The following CFAP92 variants were observed in gnomAD, a reference collection of about 807,000 sequenced individuals.
CFAP92 encodes the protein uncharacterized protein CFAP92.
Under a neutral mutation model 106.3 loss-of-function variants are expected in CFAP92, and 86 were observed. The ratio of observed to expected loss-of-function variants is 0.81; its 90% CI spans 0.68 to 0.97. The LOEUF is 0.97. Ranked by LOEUF, CFAP92 falls within the 50% of genes least tolerant of loss-of-function variation. CFAP92 has a pLI of 0.00. For synonymous variants in CFAP92, 477 were observed against 506.4 expected (o/e 0.94, Z 0.78); for missense variants, 1,204 against 1,283.8 (o/e 0.94, Z 0.95).
At chr3:128,972,976 C>A (rs1439948612) in intron 7 of CFAP92, among the ~76,000 whole-genome samples, 3 of 152,052 alleles carry the variant, frequency 2.0e-5, no homozygotes, top group Admixed American at 6.5e-5. Flanking sequence ...TACAGGCGTG[C>A]ACCAGCATAC....
At chr3:129,003,665 C>A, upstream of CFAP92, 2 of 950,236 alleles carry the variant, frequency 2.1e-6, no homozygotes, top group Non-Finnish European at 2.7e-6. Context: ...CACCCGGAAG[C>A]AGACGGCGCA....
At chr3:128,920,831 C>T (rs913986230) in intron 12 of CFAP92, among the ~76,000 whole-genome samples, 7 of 152,170 alleles carry the variant, frequency 4.6e-5, no homozygotes, top group Non-Finnish European at 7.4e-5. Context: ...GAATGTGTCT[C>T]GACTTGTTGG....
upstream of CFAP92, among the ~76,000 whole-genome samples, chr3:128,998,262 A>AT (rs1944555677): frequency 6.6e-6 from 1 of 152,182 alleles, no homozygotes; most frequent in Admixed American, 6.5e-5. Flanking sequence ...TATTTTCTTA[A>AT]TAGTGTCTTT....
At chr3:129,022,224 G>A in the CFAP92 span, among the ~76,000 whole-genome samples, 238 of 152,306 alleles carry the variant, frequency 1.6e-3, 2 homozygotes, top group Middle Eastern at 0.014. Context: ...ATCCTCATAG[G>A]ACCGCCAGGC....
rs140401632 is a variant in CFAP92 at position 128,926,180 on chromosome 3, G to C, written c.2751+6520C>G. On this transcript the variant is annotated intron_variant, in intron 12 of 15. Coordinates refer to ENST00000645291, the MANE Select transcript of CFAP92 (RefSeq NM_001394090.1). ...ATATCCAAATAGCCAATCGTGAAAA[G>C]GTGCTCAACATTATTGAGAGAGAGA... 1.5e-4 allele frequency among the ~76,000 whole-genome samples: 23 copies of C among 152,336 alleles called. No homozygotes were observed. The East Asian group carries it at 4.0e-3, about 27-fold the overall frequency.
At chr3:128,922,596 G>A (rs1276278411) in intron 12 of CFAP92, among the ~76,000 whole-genome samples, 1 of 152,182 alleles carries the variant, frequency 6.6e-6, no homozygotes, top group Non-Finnish European at 1.5e-5. Context: ...TACTGAAGCT[G>A]ATGTCTCTAT....
rs530638388 is a variant in CFAP92, at chr3:128,923,751, T to C, written c.2752-7480A>G. Among the ~76,000 whole-genome samples the C allele has an allele frequency of 2.0e-5, 3 of 152,384 alleles. No homozygotes were observed. The South Asian group carries it at 6.2e-4, about 32-fold the overall frequency. On this transcript the variant is annotated intron_variant, in intron 12 of 15. Coordinates refer to ENST00000645291, the MANE Select transcript of CFAP92 (RefSeq NM_001394090.1). Reference sequence around the variant, plus strand: ...AGACCTTTTGGATTCAAAGTTGTGTTCGGCCACCTTTTATGCTAGCAATAG... The same window carrying C: ...AGACCTTTTGGATTCAAAGTTGTGTCCGGCCACCTTTTATGCTAGCAATAG...
At chr3:128,932,557 CCAG>C in intron 12 of CFAP92, 140 bp downstream of exon 12, 2 of 780,216 alleles carry the variant, frequency 2.6e-6, no homozygotes, top group Non-Finnish European at 4.0e-6. Flanking sequence ...TCTTGCCCAT[CCAG>C]CAGGGTAGCC....
At chr3:128,967,099 G>C (rs1297651859) in intron 8 of CFAP92, 2 of 152,146 alleles carry the variant, frequency 1.3e-5, no homozygotes, top group African/African-American at 4.8e-5. Context: ...GGGTTTAAAG[G>C]ATTAAGAAAG....
At chr3:128,956,207 T>TAAAAAAAAAAAAAA (rs1256391409) in intron 9 of CFAP92, among the ~76,000 whole-genome samples, 1 of 53,222 alleles carries the variant, frequency 1.9e-5, no homozygotes, top group Admixed American at 1.9e-4. Flanking sequence ...AAAAAAAAAA[T>TAAAAAAAAAAAAAA]AAAAAAATAA....
chr3:128,937,312 CAAA>C (rs34884891), intron 10 of CFAP92, among the ~76,000 whole-genome samples: 5 of 85,266 alleles, frequency 5.9e-5, no homozygotes, highest in Non-Finnish European at 4.7e-5. Flanking sequence ...GACCCTGTCT[CAAA>C]AAAAAAAAAA....
chr3:128,938,407 C>T (rs919840425), intron 10 of CFAP92, among the ~76,000 whole-genome samples: 2 of 151,724 alleles, frequency 1.3e-5, no homozygotes, highest in African/African-American at 4.8e-5. Context: ...AAACCCTACA[C>T]CTAACATCAT....
In CFAP92 at chr3:128,945,464, CT is replaced by C. The variant is rs1940116732; in HGVS notation, c.1864del (p.Arg622GlyfsTer5). 1 of 1,536,152 alleles carries C rather than the reference CT, an allele frequency of 6.5e-7. No homozygotes were observed. The highest frequency in any genetic ancestry group is 8.7e-7 in the Non-Finnish European group (1 of 1,146,918). On this transcript the variant is annotated frameshift_variant, in exon 10 of 16. Coordinates refer to ENST00000645291, the MANE Select transcript of CFAP92 (RefSeq NM_001394090.1). LOFTEE classifies it high-confidence loss of function. The part of the protein sequence containing the change: ...RDGHQHGPMP[R>X]GNYLEADSQL... ...GGAGTCAGCCTCTAGGTAGTTGCCC[CT>C]GGGCATTGGGCCGTGCTGGTGGCCA...
Position 128,945,219 on chromosome 3 carries a change from C to G in CFAP92, c.2110G>C (p.Ala704Pro). The change falls in exon 10 of 16, where the codon GCC (alanine) becomes CCC (proline). Residue 704 changes from alanine to proline, a missense_variant. Physicochemically the swap from Ala to Pro is conservative, Grantham distance 27. Coordinates refer to ENST00000645291, the MANE Select transcript of CFAP92 (RefSeq NM_001394090.1). The part of the protein sequence containing the change: ...PVRTLQQILS[A>P]FKVRVRVQEQ... ...TGGACCCGCACACGCACCTTGAAGG[C>G]TGACAGGATCTGCTGCAGGGTCCTG... The G allele has an allele frequency of 6.5e-7, 1 of 1,536,150 alleles. No homozygotes were observed.
intron 12 of CFAP92, among the ~76,000 whole-genome samples, chr3:128,919,104 C>T (rs544969899): frequency 1.7e-4 from 26 of 152,112 alleles, no homozygotes; most frequent in African/African-American, 4.8e-4. Context: ...TGTGCCACCA[C>T]GCCTGGCTAA....
chr3:128,986,981 C>A (rs1436119294), intron 4 of CFAP92, among the ~76,000 whole-genome samples: 2 of 151,996 alleles, frequency 1.3e-5, no homozygotes, highest in Non-Finnish European at 2.9e-5. Flanking sequence ...GCCAACATGG[C>A]GAAACCCCGT....
chr3:129,001,340 G>A (rs1269417329), intron 1 of CFAP92, among the ~76,000 whole-genome samples: 3 of 152,220 alleles, frequency 2.0e-5, no homozygotes, highest in Non-Finnish European at 4.4e-5. Context: ...GGAGAGGAGA[G>A]CGTGGGAGTC....
chr3:128,932,873 GTTC>G lies in CFAP92; in HGVS notation c.2575_2577del (p.Glu859del), dbSNP rs955292061. On this transcript the variant is annotated inframe_deletion, in exon 12 of 16. Transcript: ENST00000645291. ...AGGGCAAACAGTTTCTCATCTGTGA[GTTC>G]TTCTTGCGAAAGGGGCATCCCAAAC... 138 of 1,536,098 alleles carry G rather than the reference GTTC, an allele frequency of 9.0e-5. No homozygotes were observed. Among genetic ancestry groups the G allele is most frequent in the Middle Eastern group, 5.0e-4 (3 of 6,012 alleles).
chr3:128,929,312 AG>A (rs1294362638), intron 12 of CFAP92, among the ~76,000 whole-genome samples: 1 of 152,210 alleles, frequency 6.6e-6, no homozygotes, highest in Non-Finnish European at 1.5e-5. Context: ...CATTGCTGGT[AG>A]GGATGTTAAG....
Sources: allele counts gnomAD v4.1 joint callset (sites outside exome capture counted in the v4.1 genomes callset), GRCh38; gene constraint gnomAD v4.1.1; transcripts MANE v1.5; gene names NCBI Gene and HGNC (gene_info 2026-07-23, HGNC 2026-07-21).